The following TLE2 variants were observed in gnomAD, a reference collection of about 807,000 sequenced individuals.
TLE2 encodes the protein transducin-like enhancer protein 2.
A neutral mutation model predicts 97.2 loss-of-function variants in TLE2; 74 were observed. The observed-to-expected ratio is 0.76, with a 90% confidence interval of 0.63 to 0.92. The LOEUF is 0.92. Among genes scored for constraint, TLE2 ranks in the 40% least tolerant of loss-of-function variants. TLE2 has a pLI of 0.00. For missense variants in TLE2, 1,038 were observed against 1,008.7 expected, an observed-to-expected ratio of 1.03 and a Z score of -0.39; for synonymous variants, 499 against 432.1, an observed-to-expected ratio of 1.15 and a Z score of -1.92.
Position 3,008,882 on chromosome 19 carries a change from G to A in TLE2, c.1237C>T (p.Pro413Ser), listed in dbSNP as rs1047311469. 1 of 1,588,538 alleles carries A rather than the reference G, an allele frequency of 6.3e-7. No homozygotes were observed. Among genetic ancestry groups the A allele is most frequent in the Non-Finnish European group, 8.6e-7 (1 of 1,167,442 alleles). ...SSVSSSLPSI[P>S]GGKPAYSFHV... ...CCTGGTACTCACGGCTTTCCCCCAG[G>A]GATGCTGGGTAGGGAGGAAGAGACG... Residue 413 changes from proline to serine, a missense_variant, in exon 14 of 20, where the codon CCT (proline) becomes TCT (serine). By Grantham distance (74) the Pro-to-Ser change is moderately conservative (BLOSUM62 -1). Transcript: ENST00000262953.
chr19:3,005,537 T>C lies in TLE2; in HGVS notation c.1796A>G (p.Asp599Gly), dbSNP rs1300710849. Residue 599 changes from aspartate to glycine, a missense_variant, in exon 17 of 20, where the codon GAT becomes GGT. Asp to Gly is a moderately conservative substitution (Grantham distance 94, BLOSUM62 -1). Transcript: ENST00000262953. The part of the protein sequence containing the change: ...TDGASCIDIS[D>G]YGTRLWTGGL... ...CCCTGTCCAGAGCCGAGTGCCGTAA[T>C]CGGAAATATCAATGCAGCTGGCGCC... is the stretch of plus-strand genomic sequence containing the variant. The C allele has an allele frequency of 1.2e-6, 2 of 1,613,358 alleles. No individual in the cohort carries two copies. Among genetic ancestry groups the C allele is most frequent in the Admixed American group, 1.7e-5 (1 of 59,896 alleles).
chr19:3,037,812 T>C (rs760634701), intron 1 of TLE2, among the ~76,000 whole-genome samples: 1 of 152,118 alleles, frequency 6.6e-6, no homozygotes, highest in Non-Finnish European at 1.5e-5. Flanking sequence ...AAATAAGGCC[T>C]ATAAAGTACT....
At chr19:3,000,762 C>G (rs1411560851) in intron 18 of TLE2, 39 bp from the exon 19 acceptor site, 1 of 1,525,246 alleles carries the variant, frequency 6.6e-7, no homozygotes, top group Non-Finnish European at 8.9e-7. Flanking sequence ...GGAGGGGGCA[C>G]TAACGAGAGA....
intron 14 of TLE2, among the ~76,000 whole-genome samples, chr19:3,008,470 A>C (rs1317241063): frequency 8.5e-6 from 1 of 117,908 alleles, no homozygotes; most frequent in Non-Finnish European, 1.8e-5. Context: ...TTTTTTTTTG[A>C]GACTGAGTCT....
chr19:3,031,107 G>C (rs963160892), upstream of TLE2, among the ~76,000 whole-genome samples: 2 of 152,124 alleles, frequency 1.3e-5, no homozygotes, highest in Admixed American at 1.3e-4. Flanking sequence ...TGAGTTTGTG[G>C]GATGTGAGTG....
At position 3,044,438 on chromosome 19, in the gene TLE2, GAGA is replaced by G. The variant is rs1385542793; in HGVS notation, c.63+1285_63+1287del. On this transcript the variant is annotated intron_variant, in intron 1 of 18. Coordinates refer to the TLE2 transcript ENST00000426948. ...TGGCTTCTCTGCCCTTTGCTTTTTA[GAGA>G]AGGATTCCCGCTCTGTCGCCCAGGC... Among the ~76,000 whole-genome samples the G allele has an allele frequency of 2.0e-5, 3 of 152,126 alleles. No homozygotes were observed. The South Asian group carries it at 6.2e-4, about 32-fold the overall frequency.
intron 18 of TLE2, among the ~76,000 whole-genome samples, chr19:3,001,128 CTG>C (rs1361807113): frequency 6.6e-6 from 1 of 152,016 alleles, no homozygotes; most frequent in Non-Finnish European, 1.5e-5. Flanking sequence ...CAAAAATCAG[CTG>C]GGCATTGTGG....
In TLE2 at chr19:2,997,925, C is replaced by T; in HGVS notation, c.2155G>A (p.Asp719Asn). 4.3e-6 allele frequency: 7 copies of T among 1,612,994 alleles called. No homozygotes were observed. The highest frequency in any genetic ancestry group is 5.9e-6 in the Non-Finnish European group (7 of 1,179,524). Residue 719 changes from aspartate to asparagine, a missense_variant, in exon 20 of 20, where the codon GAC becomes AAC. Coordinates refer to ENST00000262953, the MANE Select transcript of TLE2 (RefSeq NM_003260.5). ...ATGTATTTGTTATTTCTGGAGATGT[C>T]ACAACTCAGGACTGAGGACGACTCC... is the stretch of plus-strand genomic sequence containing the variant. ...SKESSSVLSC[D>N]ISRNNKYIVT...
At chr19:3,024,920 G>A (rs1033237762) in intron 5 of TLE2, 100 bp downstream of exon 5, 13 of 1,026,756 alleles carry the variant, frequency 1.3e-5, no homozygotes, top group African/African-American at 1.6e-5. Flanking sequence ...TGCAGGCTAC[G>A]CGGCAGAATC....
chr19:3,041,775 G>A (rs1422248866), intron 1 of TLE2, among the ~76,000 whole-genome samples: 1 of 152,220 alleles, frequency 6.6e-6, no homozygotes, highest in Non-Finnish European at 1.5e-5. Flanking sequence ...TGAAAGGCCC[G>A]CTGCTGCCCC....
chr19:3,010,704 G>A (rs371404881), intron 12 of TLE2, among the ~76,000 whole-genome samples: 37 of 152,284 alleles, frequency 2.4e-4, no homozygotes, highest in African/African-American at 7.7e-4. Flanking sequence ...CTTGCCCGAG[G>A]TCACCCAGCT....
chr19:3,030,743 G>A (rs1452636488), upstream of TLE2, among the ~76,000 whole-genome samples: 1 of 151,824 alleles, frequency 6.6e-6, no homozygotes, highest in Non-Finnish European at 1.5e-5. Flanking sequence ...GGACAACACC[G>A]CGACAATACA....
In TLE2 at chr19:2,997,866, C is replaced by T; in HGVS notation, c.2214G>A (p.Val738=). 2 of 1,609,860 alleles carry T rather than the reference C, an allele frequency of 1.2e-6. No homozygotes were observed. The highest frequency in any genetic ancestry group is 1.7e-6 in the Non-Finnish European group (2 of 1,177,950). Residue 738 remains valine (V), a synonymous_variant, in exon 20 of 20, where the codon GTG becomes GTA. Transcript: ENST00000262953. Reference sequence around the variant, plus strand: ...TCATGTCTCAGTAGACCACCTCATACACGGTGGCCTTCTTGTCCCCCGAGC... The same window carrying T: ...TCATGTCTCAGTAGACCACCTCATATACGGTGGCCTTCTTGTCCCCCGAGC... ...VTGSGDKKAT[V]YEVVY
chr19:3,009,467 G>T, intron 13 of TLE2, 75 bp downstream of exon 13: 1 of 1,472,718 alleles, frequency 6.8e-7, no homozygotes. Flanking sequence ...CTCTCCTTGT[G>T]TAGTTGGTTT....
chr19:3,028,818 G>A lies in TLE2; in HGVS notation c.25-15C>T, dbSNP rs2089991153. 1 of 1,612,248 alleles carries A rather than the reference G, an allele frequency of 6.2e-7. No homozygotes were observed. The highest frequency in any genetic ancestry group is 1.7e-5 in the Admixed American group (1 of 60,000). Reference sequence around the variant, plus strand: ...TGGAGCGGGGTCTGGGGGGGGTGTGGGGGAAACGTCAGGGTCTGAGTTCCC... The same window carrying A: ...TGGAGCGGGGTCTGGGGGGGGTGTGAGGGAAACGTCAGGGTCTGAGTTCCC... On this transcript the variant is annotated splice_polypyrimidine_tract_variant and intron_variant, in intron 1 of 19. Coordinates refer to ENST00000262953, the MANE Select transcript of TLE2 (RefSeq NM_003260.5).
At chr19:3,031,030 G>A (rs547804997), upstream of TLE2, among the ~76,000 whole-genome samples, 2 of 151,842 alleles carry the variant, frequency 1.3e-5, no homozygotes, top group South Asian at 2.1e-4. Context: ...CACCTATGAC[G>A]TGTCAGGCAT....
At position 3,009,646 on chromosome 19, in the gene TLE2, A is replaced by G. The variant is rs1156634284; in HGVS notation, c.1069T>C (p.Ser357Pro). 1.2e-5 allele frequency: 19 copies of G among 1,612,598 alleles called. No individual in the cohort carries two copies. Among genetic ancestry groups the G allele is most frequent in the Non-Finnish European group, 1.1e-5 (13 of 1,179,418 alleles). ...SPFTTSFSLG[S>P]HSTLNGDLSV... Reference sequence around the variant, plus strand: ...AGGTCTCCGTTGAGAGTGCTGTGGGAGCCCAGGCTGAAGGACGTGGTGAAG... The same window carrying G: ...AGGTCTCCGTTGAGAGTGCTGTGGGGGCCCAGGCTGAAGGACGTGGTGAAG... The change falls in exon 13 of 20, where the codon TCC becomes CCC. Residue 357 changes from serine (S) to proline (P), a missense_variant. Physicochemically the swap from Ser to Pro is moderately conservative, Grantham distance 74. Coordinates refer to ENST00000262953, the MANE Select transcript of TLE2 (RefSeq NM_003260.5).
At chr19:3,027,767 C>T in intron 4 of TLE2, 62 bp downstream of exon 4, 1 of 1,562,484 alleles carries the variant, frequency 6.4e-7, no homozygotes, top group Non-Finnish European at 8.7e-7. Flanking sequence ...ACTCTGGGTC[C>T]TTCTCAGGGC....
At chr19:3,024,203 A>G (rs996655239) in intron 5 of TLE2, among the ~76,000 whole-genome samples, 6 of 151,018 alleles carry the variant, frequency 4.0e-5, no homozygotes, top group African/African-American at 1.5e-4. Flanking sequence ...ACAGGGTTTC[A>G]CCATGTTGGA....
Sources: allele counts gnomAD v4.1 joint callset (sites outside exome capture counted in the v4.1 genomes callset), GRCh38; gene constraint gnomAD v4.1.1; transcripts MANE v1.5; gene names NCBI Gene and HGNC (gene_info 2026-07-23, HGNC 2026-07-21).